Variants in CHRM3 observed in about 807,000 individuals in gnomAD.
CHRM3 encodes the protein cholinergic receptor muscarinic 3, also known as muscarinic acetylcholine receptor M3.
CHRM3 carries 11 observed loss-of-function variants against 41.8 expected under a neutral mutation model. The observed-to-expected ratio is 0.26, with a 90% CI of 0.17 to 0.44. The LOEUF (loss-of-function observed/expected upper bound fraction) is 0.44. Among genes scored for constraint, CHRM3 ranks in the 20% least tolerant of loss-of-function variants. The probability of loss-of-function intolerance (pLI) is 1.00; values close to 1 mark genes in which losing one functional copy is unlikely to be tolerated. For synonymous variants in CHRM3, 297 were observed against 301.4 expected (o/e 0.99, Z 0.15); for missense variants, 571 against 745.4 (o/e 0.77, Z 2.72).
chr1:239,559,956 A>C (rs1425963772), intron 3 of CHRM3, among the ~76,000 whole-genome samples: 1 of 152,208 alleles, frequency 6.6e-6, no homozygotes, highest in Non-Finnish European at 1.5e-5. Flanking sequence ...AGTAGATGTC[A>C]CATTGCAATT....
At chr1:239,818,831 A>G (rs1316987333) in intron 5 of CHRM3, among the ~76,000 whole-genome samples, 2 of 152,222 alleles carry the variant, frequency 1.3e-5, no homozygotes, top group Non-Finnish European at 2.9e-5. Context: ...TGGACATTTC[A>G]GAGTTACCCT....
chr1:239,904,174 C>A (rs564132068), intron 6 of CHRM3, among the ~76,000 whole-genome samples: 4 of 152,280 alleles, frequency 2.6e-5, no homozygotes, highest in African/African-American at 9.6e-5. Flanking sequence ...GGAAACGTAG[C>A]TGCTGTGTTC....
At chr1:239,614,981 G>A (rs1667474826) in intron 3 of CHRM3, among the ~76,000 whole-genome samples, 1 of 152,056 alleles carries the variant, frequency 6.6e-6, no homozygotes, top group South Asian at 2.1e-4. Flanking sequence ...TTTATAAAAG[G>A]AAAATGGAAT....
At chr1:239,899,778 G>T (rs929592726) in intron 6 of CHRM3, 5 of 152,082 alleles carry the variant, frequency 3.3e-5, no homozygotes, top group Admixed American at 6.6e-5. Context: ...AGGATCTTGC[G>T]CAGTTTTCCA....
chr1:239,532,321 A>T (rs1657685377), intron 2 of CHRM3, among the ~76,000 whole-genome samples: 1 of 141,524 alleles, frequency 7.1e-6, no homozygotes, highest in African/African-American at 2.5e-5. Flanking sequence ...GGTGGAGTAT[A>T]TTTCTTATAA....
chr1:239,783,995 A>T (rs562155401), intron 5 of CHRM3, among the ~76,000 whole-genome samples: 1 of 152,326 alleles, frequency 6.6e-6, no homozygotes, highest in Non-Finnish European at 1.5e-5. Context: ...TTCACCGAGG[A>T]TAATGGCCTC....
chr1:239,722,059 A>G (rs1323710530), intron 5 of CHRM3, among the ~76,000 whole-genome samples: 2 of 151,944 alleles, frequency 1.3e-5, no homozygotes, highest in African/African-American at 2.4e-5. Context: ...CTTTTGGTTC[A>G]TGGGACAGGC....
At chr1:239,468,396 G>A (rs186008097) in intron 1 of CHRM3, among the ~76,000 whole-genome samples, 9 of 152,294 alleles carry the variant, frequency 5.9e-5, no homozygotes, top group Admixed American at 5.9e-4. Context: ...TATGAGTAAT[G>A]ACTCAGTATG....
chr1:239,789,814 A>G (rs955511211), intron 5 of CHRM3, among the ~76,000 whole-genome samples: 2 of 152,182 alleles, frequency 1.3e-5, no homozygotes, highest in African/African-American at 4.8e-5. Flanking sequence ...CAAACATCCA[A>G]ACTTTAGCAA....
intron 1 of CHRM3, among the ~76,000 whole-genome samples, chr1:239,419,217 C>CT (rs1249630201): frequency 2.1e-4 from 32 of 152,020 alleles, no homozygotes; most frequent in Admixed American, 2.0e-3. Flanking sequence ...ACATCTATTC[C>CT]TTTTTTTTCT....
At chr1:239,798,540 C>G (rs1669973825) in intron 5 of CHRM3, among the ~76,000 whole-genome samples, 1 of 152,146 alleles carries the variant, frequency 6.6e-6, no homozygotes, top group African/African-American at 2.4e-5. Flanking sequence ...ACAGTAGACA[C>G]TCAACAAATA....
At chr1:239,566,569 T>C (rs1661381436) in intron 3 of CHRM3, among the ~76,000 whole-genome samples, 1 of 152,244 alleles carries the variant, frequency 6.6e-6, no homozygotes, top group Non-Finnish European at 1.5e-5. Flanking sequence ...TGTGTATGTT[T>C]ATTTCCTTTC....
chr1:239,679,379 T>G (rs542061049), intron 5 of CHRM3, among the ~76,000 whole-genome samples: 2 of 152,026 alleles, frequency 1.3e-5, no homozygotes, highest in Non-Finnish European at 2.9e-5. Context: ...ATTAATCAGG[T>G]GTGAGCTCAA....
At chr1:239,410,190 T>C (rs547410481) in intron 1 of CHRM3, among the ~76,000 whole-genome samples, 3 of 152,148 alleles carry the variant, frequency 2.0e-5, no homozygotes, top group South Asian at 4.1e-4. Flanking sequence ...AACTGAGAGA[T>C]TCTTCTAAAT....
At chr1:239,524,850 A>G (rs1669890638) in intron 2 of CHRM3, among the ~76,000 whole-genome samples, 1 of 152,146 alleles carries the variant, frequency 6.6e-6, no homozygotes, top group Non-Finnish European at 1.5e-5. Context: ...TAAATCTTTT[A>G]TGTTTAAAGA....
chr1:239,567,802 T>C (rs1018258893), intron 3 of CHRM3, among the ~76,000 whole-genome samples: 1 of 152,168 alleles, frequency 6.6e-6, no homozygotes, highest in African/African-American at 2.4e-5. Flanking sequence ...GGCTGGTTTG[T>C]GTTGAAGACT....
At chr1:239,702,367 A>C (rs774201871) in intron 5 of CHRM3, among the ~76,000 whole-genome samples, 1 of 152,130 alleles carries the variant, frequency 6.6e-6, no homozygotes, top group Non-Finnish European at 1.5e-5. Flanking sequence ...TGCTGCTGTA[A>C]GTTCTGGTTT....
intron 5 of CHRM3, among the ~76,000 whole-genome samples, chr1:239,760,604 T>G (rs1209499207): frequency 6.6e-6 from 1 of 152,126 alleles, no homozygotes; most frequent in Non-Finnish European, 1.5e-5. Context: ...TTTTTTTACT[T>G]TCATATTTTC....
chr1:239,391,536 C>T (rs984249663), intron 1 of CHRM3, among the ~76,000 whole-genome samples: 2 of 152,134 alleles, frequency 1.3e-5, no homozygotes, highest in Non-Finnish European at 2.9e-5. Context: ...CTGCATTCTC[C>T]CACCTGTTGG....
Sources: gnomAD v4.1 joint callset for allele counts (sites outside exome capture counted in the v4.1 genomes callset) on GRCh38, gnomAD v4.1.1 for gene constraint, MANE v1.5 for transcripts, NCBI Gene and HGNC (gene_info 2026-07-23, HGNC 2026-07-21) for gene names.